The following CPQ variants were observed in gnomAD, a reference collection of about 807,000 sequenced individuals.
CPQ encodes the protein carboxypeptidase Q, also known as Ser-Met dipeptidase.
Under a neutral mutation model 45.7 loss-of-function variants are expected in CPQ, and 37 were observed. The ratio of observed to expected loss-of-function variants is 0.81; its 90% confidence interval spans 0.62 to 1.07. CPQ has a LOEUF of 1.07. Among genes scored for constraint, CPQ ranks in the 50% least tolerant of loss-of-function variants. CPQ has a pLI of 0.00. For missense variants in CPQ, 537 were observed against 572.9 expected (o/e 0.94, Z 0.64); for synonymous variants, 186 against 205.8 (o/e 0.90, Z 0.82).
chr8:97,039,094 G>C (rs542770180), intron 6 of CPQ, among the ~76,000 whole-genome samples: 49 of 152,292 alleles, frequency 3.2e-4, no homozygotes, highest in Non-Finnish European at 2.9e-4. Flanking sequence ...TTGGCCAACA[G>C]AGGCCAACAG....
intron 1 of CPQ, among the ~76,000 whole-genome samples, chr8:96,779,169 A>G (rs1810653784): frequency 6.6e-6 from 1 of 152,006 alleles, no homozygotes; most frequent in African/African-American, 2.4e-5. Context: ...TTTTAAATAG[A>G]CTGTGACCTA....
intron 5 of CPQ, among the ~76,000 whole-genome samples, chr8:97,003,737 A>G (rs955700890): frequency 2.6e-5 from 4 of 152,234 alleles, no homozygotes; most frequent in Middle Eastern, 3.4e-3. Flanking sequence ...TTAAAATGTC[A>G]CCATTCCTCA....
At chr8:97,040,145 T>C (rs1810091552) in intron 6 of CPQ, among the ~76,000 whole-genome samples, 1 of 149,332 alleles carries the variant, frequency 6.7e-6, no homozygotes, top group Non-Finnish European at 1.5e-5. Context: ...CCAGCACCTG[T>C]TGTTTCCTGA....
chr8:96,802,746 C>T (rs1811023346), intron 2 of CPQ, among the ~76,000 whole-genome samples: 1 of 151,920 alleles, frequency 6.6e-6, no homozygotes, highest in African/African-American at 2.4e-5. Context: ...ATAAATAAAC[C>T]ACTGGGACCA....
chr8:97,119,095 A>G (rs1317538007), intron 7 of CPQ, among the ~76,000 whole-genome samples: 3 of 152,046 alleles, frequency 2.0e-5, no homozygotes, highest in Non-Finnish European at 2.9e-5. Context: ...TTGGCAGGCC[A>G]AGGAGGGTGG....
chr8:96,714,476 T>C (rs1392573951), intron 1 of CPQ, among the ~76,000 whole-genome samples: 2 of 152,176 alleles, frequency 1.3e-5, no homozygotes, highest in African/African-American at 4.8e-5. Context: ...GTCTTTAATT[T>C]CCAGAAGTTT....
At chr8:97,038,825 CAAAAA>C (rs35739621) in intron 6 of CPQ, among the ~76,000 whole-genome samples, 1 of 91,874 alleles carries the variant, frequency 1.1e-5, no homozygotes, top group Non-Finnish European at 2.1e-5. Context: ...ACCGTATTTA[CAAAAA>C]AAAAAAAAAA....
rs1384861730 is a variant in CPQ, at chr8:96,793,673, CCA to C, written c.433+8346_433+8347del. ...CTCATTTCAGCATTAACTCAAAAGT[CCA>C]CAGTCCAAAGTCTCATCCGAGACAA... On this transcript the variant is annotated intron_variant, in intron 2 of 7. Transcript: ENST00000220763. Among the ~76,000 whole-genome samples, 12 of 152,312 alleles carry C rather than the reference CCA, an allele frequency of 7.9e-5. No homozygotes were observed. The East Asian group carries it at 1.2e-3, about 15-fold the overall frequency.
intron 4 of CPQ, among the ~76,000 whole-genome samples, chr8:96,911,166 G>A (rs1812657717): frequency 6.6e-6 from 1 of 152,124 alleles, no homozygotes; most frequent in African/African-American, 2.4e-5. Flanking sequence ...AAGTAAAGAG[G>A]TGGAGCAGGA....
At chr8:97,000,918 A>G (rs751138022) in intron 5 of CPQ, among the ~76,000 whole-genome samples, 1 of 151,922 alleles carries the variant, frequency 6.6e-6, no homozygotes, top group Non-Finnish European at 1.5e-5. Flanking sequence ...ATCTCTTTGA[A>G]CAGTGGTTTG....
At chr8:96,649,037 C>T (rs770880617) in intron 1 of CPQ, among the ~76,000 whole-genome samples, 4 of 152,232 alleles carry the variant, frequency 2.6e-5, no homozygotes, top group East Asian at 3.8e-4. Context: ...GCTGGAGTGC[C>T]GTGGCAAGAT....
At chr8:96,840,646 A>G (rs1407733463) in intron 3 of CPQ, among the ~76,000 whole-genome samples, 1 of 152,176 alleles carries the variant, frequency 6.6e-6, no homozygotes. Flanking sequence ...TAGACAGGGA[A>G]GGACAGGTTA....
chr8:96,729,382 TA>T (rs1307097673), intron 1 of CPQ, among the ~76,000 whole-genome samples: 4 of 152,196 alleles, frequency 2.6e-5, no homozygotes, highest in Non-Finnish European at 4.4e-5. Flanking sequence ...TCACTCTGTA[TA>T]TTTGCACACC....
chr8:96,948,733 G>C (rs1173858392), intron 4 of CPQ, among the ~76,000 whole-genome samples: 8 of 152,064 alleles, frequency 5.3e-5, no homozygotes, highest in African/African-American at 1.9e-4. Flanking sequence ...ATTATTGAAA[G>C]TGTGGTATCG....
intron 7 of CPQ, among the ~76,000 whole-genome samples, chr8:97,070,960 T>C (rs1810730548): frequency 6.6e-6 from 1 of 152,180 alleles, no homozygotes; most frequent in South Asian, 2.1e-4. Flanking sequence ...ATATATTTCT[T>C]CTTTAGAAAC....
intron 1 of CPQ, among the ~76,000 whole-genome samples, chr8:96,665,128 T>C (rs1808902698): frequency 6.6e-6 from 1 of 152,128 alleles, no homozygotes; most frequent in South Asian, 2.1e-4. Flanking sequence ...TCAGTAAAAG[T>C]ATCCTGGAAA....
intron 4 of CPQ, among the ~76,000 whole-genome samples, chr8:96,902,602 T>C (rs1051543074): frequency 5.9e-5 from 9 of 152,192 alleles, no homozygotes; most frequent in Admixed American, 5.9e-4. Context: ...CTGGGCCCAC[T>C]GCATCTTGCA....
intron 7 of CPQ, among the ~76,000 whole-genome samples, chr8:97,111,580 C>A (rs1469783349): frequency 6.6e-6 from 1 of 152,188 alleles, no homozygotes; most frequent in African/African-American, 2.4e-5. Context: ...CTGCCTCCTA[C>A]CATCATCTTG....
At position 97,099,115 on chromosome 8, in the gene CPQ, C is replaced by CTTTTTT. The variant is rs34830752; in HGVS notation, c.1255+32927_1255+32932dup. 5.0e-3 allele frequency among the ~76,000 whole-genome samples: 329 copies of CTTTTTT among 66,358 alleles called. 36 individuals are homozygous for CTTTTTT. Among genetic ancestry groups the CTTTTTT allele is most frequent in the East Asian group, 6.0e-3 (12 of 1,994 alleles). The allele number at this position is 66,358 out of a possible 152,430, so 43.5% of individuals were successfully genotyped here. ...GAAGTCCCAAAACTCCCTTCTCTCT[C>CTTTTTT]TTTTTTTTTTTTTTTTTTTTTTTTT... On this transcript the variant is annotated intron_variant, in intron 7 of 7. Transcript: ENST00000220763.
Sources: allele counts gnomAD v4.1 joint callset (sites outside exome capture counted in the v4.1 genomes callset), GRCh38; gene constraint gnomAD v4.1.1; transcripts MANE v1.5; gene names NCBI Gene and HGNC (gene_info 2026-07-23, HGNC 2026-07-21).